CPNE2: variants seen among roughly 807,000 people sequenced by gnomAD.
CPNE2 encodes copine-2.
In CPNE2, 42 loss-of-function variants were observed where a neutral mutation model predicts 69.7. That is an observed-to-expected ratio of 0.60 (90% confidence interval 0.47 to 0.78). CPNE2 has a LOEUF of 0.78. CPNE2 is among the 30% of genes least tolerant of loss of function. The probability of loss-of-function intolerance (pLI) is 0.00; values close to 1 mark genes in which losing one functional copy is unlikely to be tolerated. For synonymous variants in CPNE2, 294 were observed against 289.8 expected (o/e 1.01, Z -0.15); for missense variants, 587 against 732.0 (o/e 0.80, Z 2.29).
chr16:57,111,326 A>G (rs2069680732), intron 2 of CPNE2, among the ~76,000 whole-genome samples: 1 of 151,630 alleles, frequency 6.6e-6, no homozygotes, highest in Non-Finnish European at 1.5e-5. Context: ...ACAGGTGTGC[A>G]CCCCACGCCC....
chr16:57,119,179 C>G lies in CPNE2; in HGVS notation c.508-16C>G, dbSNP rs773727287. The G allele has an allele frequency of 1.2e-6, 2 of 1,612,000 alleles. No individual in the cohort carries two copies. The highest frequency in any genetic ancestry group is 1.7e-6 in the Non-Finnish European group (2 of 1,178,168). ...GGGCTGTACCTCTCTCACCCGCATC[C>G]TCCCACTTCTCCCAGGACCTCTTTG... On this transcript the variant is annotated splice_polypyrimidine_tract_variant and intron_variant, in intron 5 of 15. Coordinates refer to ENST00000290776, the MANE Select transcript of CPNE2 (RefSeq NM_152727.6).
chr16:57,127,907 A>T lies in CPNE2; in HGVS notation c.1116+4A>T. 6.2e-7 allele frequency: 1 copy of T among 1,613,894 alleles called. No homozygotes were observed. The highest frequency in any genetic ancestry group is 8.5e-7 in the Non-Finnish European group (1 of 1,179,902). On this transcript the variant is annotated splice_donor_region_variant and intron_variant, in intron 12 of 15. Transcript: ENST00000290776. Reference sequence around the variant, plus strand: ...CCAGTTACCCCCAGACTGGAAGGTGAGTGAAACCGGAGTTAGTTTCCTTTT... The same window carrying T: ...CCAGTTACCCCCAGACTGGAAGGTGTGTGAAACCGGAGTTAGTTTCCTTTT...
intron 15 of CPNE2, chr16:57,147,004 A>G (rs1597510264): frequency 6.5e-6 from 1 of 153,184 alleles, no homozygotes; most frequent in African/African-American, 2.4e-5. Flanking sequence ...AGAACTGCCC[A>G]TGCTGGTTTG....
At chr16:57,117,160 G>A (rs987647546) in intron 4 of CPNE2, among the ~76,000 whole-genome samples, 6 of 152,082 alleles carry the variant, frequency 3.9e-5, no homozygotes, top group Admixed American at 6.5e-5. Context: ...GGAGAAGGCC[G>A]GTCATGCTGC....
At chr16:57,123,223 C>A in intron 9 of CPNE2, 191 bp from the exon 10 acceptor site, 1 of 620,710 alleles carries the variant, frequency 1.6e-6, no homozygotes. Flanking sequence ...GTGAGTCCCC[C>A]ACCCATTAGG....
At chr16:57,129,892 G>GTA (rs1214240181) in intron 12 of CPNE2, among the ~76,000 whole-genome samples, 17 of 152,158 alleles carry the variant, frequency 1.1e-4, no homozygotes, top group South Asian at 2.1e-4. Context: ...TGGCCACCTG[G>GTA]GCCAGGACCC....
intron 10 of CPNE2, chr16:57,124,164 C>T: frequency 1.0e-5 from 3 of 293,668 alleles, no homozygotes; most frequent in South Asian, 8.8e-5. Context: ...TCACTGCAGC[C>T]TCCACCTTCA....
intron 10 of CPNE2, chr16:57,124,234 A>C: frequency 2.8e-6 from 1 of 361,392 alleles, no homozygotes; most frequent in Non-Finnish European, 5.6e-6. Flanking sequence ...GGTGCATGCC[A>C]TCATGCCCAG....
At chr16:57,135,798 C>CAGGTGGCAG (rs1424092349) in intron 13 of CPNE2, among the ~76,000 whole-genome samples, 10 of 150,200 alleles carry the variant, frequency 6.7e-5, no homozygotes, top group African/African-American at 2.5e-4. Context: ...CGCTTGAACC[C>CAGGTGGCAG]AGGTGGCAGA....
chr16:57,147,433 A>T, intron 15 of CPNE2, 118 bp from the exon 16 acceptor site: 1 of 650,768 alleles, frequency 1.5e-6, no homozygotes, highest in Non-Finnish European at 2.5e-6. Context: ...CCGCAGCCCT[A>T]ATTTTGTCCT....
At chr16:57,113,817 G>C (rs2069697867) in intron 3 of CPNE2, among the ~76,000 whole-genome samples, 1 of 152,240 alleles carries the variant, frequency 6.6e-6, no homozygotes, top group African/African-American at 2.4e-5. Flanking sequence ...GTGACCTTGA[G>C]AAACTTCCTT....
chr16:57,092,639 G>A lies in CPNE2; in HGVS notation c.-187G>A, dbSNP rs1468290635. On this transcript the variant is annotated 5_prime_UTR_variant, in exon 1 of 16. Coordinates refer to ENST00000290776, the MANE Select transcript of CPNE2 (RefSeq NM_152727.6). The surrounding 1 kb of genome is among the most constrained non-coding windows in gnomAD (Gnocchi z 5.3). ...ACCCCGAGCGGCTGGGAGCGCACGC[G>A]AGCGGGCCGTGGCCGCGCGGGCAGC... 7 of 148,590 alleles carry A rather than the reference G, an allele frequency of 4.7e-5. No homozygotes were observed. The highest frequency in any genetic ancestry group is 1.5e-4 in the African/African-American group (6 of 40,928). 9.2% of individuals were successfully genotyped at this position (148,590 alleles called of 1,614,324 possible).
At chr16:57,109,265 C>T (rs546231649) in intron 1 of CPNE2, among the ~76,000 whole-genome samples, 91 of 152,188 alleles carry the variant, frequency 6.0e-4, no homozygotes, top group Non-Finnish European at 1.1e-3. Context: ...CACCTGAGGT[C>T]GGGAGTTTGA....
At chr16:57,113,106 T>G (rs2069691930) in intron 2 of CPNE2, 182 bp from the exon 3 acceptor site, 1 of 606,392 alleles carries the variant, frequency 1.6e-6, no homozygotes, top group Admixed American at 3.1e-5. Context: ...GGGAAGTCAC[T>G]TAACCTCTCT....
intron 10 of CPNE2, chr16:57,124,296 G>A (rs1342973087): frequency 1.6e-5 from 7 of 425,218 alleles, no homozygotes; most frequent in Non-Finnish European, 2.9e-5. Flanking sequence ...TGCCCAGGCT[G>A]GTCTCAAACT....
chr16:57,121,992 C>CTG (rs1199388393), intron 9 of CPNE2, among the ~76,000 whole-genome samples: 5 of 152,234 alleles, frequency 3.3e-5, no homozygotes, highest in African/African-American at 1.2e-4. Context: ...TCTCACATTC[C>CTG]TGTGTGGAGG....
Position 57,119,615 on chromosome 16 carries a change from T to C in CPNE2, c.646T>C (p.Ser216Pro), listed in dbSNP as rs2069746591. Reference sequence around the variant, plus strand: ...GAAGCCATTCACAGTGCCCTTGGTGTCCCTGTGTGATGGGGACATGGAGAA... The same window carrying C: ...GAAGCCATTCACAGTGCCCTTGGTGCCCCTGTGTGATGGGGACATGGAGAA... Reference protein sequence around the residue: ...VWKPFTVPLVSLCDGDMEKPI... With the variant: ...VWKPFTVPLVPLCDGDMEKPI... The change falls in exon 7 of 16, where the codon TCC (serine) becomes CCC (proline). Residue 216 changes from serine to proline, a missense_variant. This residue lies in a region of CPNE2 where 269 missense variants were observed against 300.5 expected (regional missense o/e 0.90). Transcript: ENST00000290776. The C allele has an allele frequency of 6.2e-7, 1 of 1,612,766 alleles. No individual in the cohort carries two copies. The highest frequency in any genetic ancestry group is 1.3e-5 in the African/African-American group (1 of 74,898).
rs755140711 is a variant in CPNE2 at position 57,146,065 on chromosome 16, C to T, written c.1303-20C>T. On this transcript the variant is annotated intron_variant, in intron 14 of 15. Transcript: ENST00000290776. This position sits in a 1 kb window ranked among gnomAD's most constrained non-coding sequence, Gnocchi z 4.4. ...AGAGCCTCGACCTTGCTGAGTGCCC[C>T]GTTGGCCCCCTCCCTGCAGCAGTAC... 6.9e-6 allele frequency: 11 copies of T among 1,593,968 alleles called. No individual in the cohort carries two copies. The Admixed American group carries it at 8.6e-5, about 12-fold the overall frequency.
At chr16:57,099,710 T>A (rs1383673823) in intron 1 of CPNE2, among the ~76,000 whole-genome samples, 1 of 150,970 alleles carries the variant, frequency 6.6e-6, no homozygotes, top group Non-Finnish European at 1.5e-5. Flanking sequence ...CAAGTGATTC[T>A]CCTGCCTTAG....
Sources: allele counts gnomAD v4.1 joint callset (sites outside exome capture counted in the v4.1 genomes callset), GRCh38; gene constraint gnomAD v4.1.1; regional missense constraint gnomAD v4.1.1; non-coding constraint Gnocchi (gnomAD v3.1); transcripts MANE v1.5; gene names NCBI Gene and HGNC (gene_info 2026-07-23, HGNC 2026-07-21).